The following AKAP6 variants were observed in gnomAD, a reference collection of about 807,000 sequenced individuals.
The protein encoded by AKAP6 is A-kinase anchoring protein 6, also known as A-kinase anchor protein 6.
In AKAP6, 58 loss-of-function variants were observed where a neutral mutation model predicts 188.5. That is an observed-to-expected ratio of 0.31 (90% CI 0.25 to 0.38). The LOEUF is 0.38. Among genes scored for constraint, AKAP6 ranks in the 10% least tolerant of loss-of-function variants. AKAP6 has a pLI of 1.00. For synonymous variants in AKAP6, 989 were observed against 998.6 expected (o/e 0.99, Z 0.18); for missense variants, 2,710 against 2,740.0 (o/e 0.99, Z 0.24).
chr14:32,753,805 C>A (rs1356612380), intron 11 of AKAP6, among the ~76,000 whole-genome samples: 1 of 151,930 alleles, frequency 6.6e-6, no homozygotes, highest in Non-Finnish European at 1.5e-5. Context: ...GTTCTTGCTA[C>A]CTTTGTTGAA....
chr14:32,828,052 C>G (rs2034719037), intron 13 of AKAP6, among the ~76,000 whole-genome samples: 1 of 152,070 alleles, frequency 6.6e-6, no homozygotes, highest in African/African-American at 2.4e-5. Flanking sequence ...AACTTTTTAG[C>G]TTTATTGCCT....
intron 7 of AKAP6, among the ~76,000 whole-genome samples, chr14:32,644,753 T>C (rs1459056973): frequency 6.6e-6 from 1 of 152,142 alleles, no homozygotes; most frequent in Non-Finnish European, 1.5e-5. Context: ...CTGAAATGTC[T>C]GCATTTCTCT....
intron 1 of AKAP6, among the ~76,000 whole-genome samples, chr14:32,360,897 C>G (rs1887637541): frequency 6.6e-6 from 1 of 151,698 alleles, no homozygotes; most frequent in Non-Finnish European, 1.5e-5. Flanking sequence ...GCACGTGCCA[C>G]CATGCCCAGC....
chr14:32,433,184 C>G (rs1890274428), intron 1 of AKAP6: 3 of 293,434 alleles, frequency 1.0e-5, no homozygotes, highest in South Asian at 9.1e-5. Context: ...CAGCTAAAAA[C>G]CAGGATTTTG....
At chr14:32,582,845 C>T (rs1442431272) in intron 5 of AKAP6, among the ~76,000 whole-genome samples, 1 of 152,118 alleles carries the variant, frequency 6.6e-6, no homozygotes, top group East Asian at 1.9e-4. Flanking sequence ...TCCATCAGCT[C>T]CTTTAAGCAC....
At chr14:32,377,290 T>G (rs569162178) in intron 1 of AKAP6, among the ~76,000 whole-genome samples, 3 of 152,354 alleles carry the variant, frequency 2.0e-5, no homozygotes, top group African/African-American at 7.2e-5. Context: ...TCCACTAGTT[T>G]CATTATTTCA....
At chr14:32,499,969 T>C (rs1287259216) in intron 2 of AKAP6, among the ~76,000 whole-genome samples, 5 of 150,724 alleles carry the variant, frequency 3.3e-5, no homozygotes, top group African/African-American at 1.2e-4. Context: ...TAAGAATTTG[T>C]ATTTGTATGT....
In AKAP6 at chr14:32,831,683, C is replaced by T. The variant is rs949514706; in HGVS notation, c.*1878C>T. The T allele has an allele frequency of 6.6e-6, 1 of 152,128 alleles. No homozygotes were observed. 9.4% of individuals were successfully genotyped at this position (152,128 alleles called of 1,614,324 possible). ...AAGTATTTGTTGCAGAGCTGAGGAACAGAGCAAATGTAGTGATAGAAGCGC... is the reference window on the plus strand; with the variant it reads ...AAGTATTTGTTGCAGAGCTGAGGAATAGAGCAAATGTAGTGATAGAAGCGC... On this transcript the variant is annotated 3_prime_UTR_variant, in exon 14 of 14. Coordinates refer to ENST00000280979, the MANE Select transcript of AKAP6 (RefSeq NM_004274.5).
At chr14:32,657,334 A>G (rs901232529) in intron 7 of AKAP6, among the ~76,000 whole-genome samples, 1 of 152,182 alleles carries the variant, frequency 6.6e-6, no homozygotes, top group Non-Finnish European at 1.5e-5. Flanking sequence ...AGAAGAGAGA[A>G]GCGCAACCCT....
At position 32,385,684 on chromosome 14, in the gene AKAP6, T is replaced by C. The variant is rs372202914; in HGVS notation, c.-34-47776T>C. On this transcript the variant is annotated intron_variant, in intron 1 of 13. Transcript: ENST00000280979. ...GTTTTGTTTTCCATTCCTGAGTTAC[T>C]TCACTTAGAATTATAGCCTCCAATC... 2.0e-5 allele frequency among the ~76,000 whole-genome samples: 3 copies of C among 151,762 alleles called. No homozygotes were observed. The South Asian group carries it at 6.2e-4, about 32-fold the overall frequency.
chr14:32,793,759 AG>A, intron 12 of AKAP6, among the ~76,000 whole-genome samples: 1 of 152,096 alleles, frequency 6.6e-6, no homozygotes, highest in Admixed American at 6.6e-5. Context: ...AAGACAAAGA[AG>A]GGCATTAAAT....
At chr14:32,405,877 A>G (rs1889275292) in intron 1 of AKAP6, among the ~76,000 whole-genome samples, 1 of 152,228 alleles carries the variant, frequency 6.6e-6, no homozygotes, top group Non-Finnish European at 1.5e-5. Context: ...GTATTTCTTC[A>G]TAGCAGTGTG....
chr14:32,625,665 CT>C (rs1886992167), intron 7 of AKAP6, among the ~76,000 whole-genome samples: 1 of 150,484 alleles, frequency 6.6e-6, no homozygotes, highest in Non-Finnish European at 1.5e-5. Flanking sequence ...AAAAAAAACC[CT>C]TCTTACTCCA....
chr14:32,337,902 C>T (rs896958444), intron 1 of AKAP6, among the ~76,000 whole-genome samples: 1 of 152,040 alleles, frequency 6.6e-6, no homozygotes, highest in Admixed American at 6.6e-5. Flanking sequence ...TGCCTGTAGT[C>T]TTAGCACCTC....
chr14:32,515,844 A>C (rs1324580711), intron 2 of AKAP6, among the ~76,000 whole-genome samples: 1 of 152,196 alleles, frequency 6.6e-6, no homozygotes, highest in African/African-American at 2.4e-5. Context: ...GTGGTACTAA[A>C]CTCTGTGAAG....
intron 2 of AKAP6, among the ~76,000 whole-genome samples, chr14:32,439,627 C>T (rs1890503200): frequency 6.6e-6 from 1 of 152,172 alleles, no homozygotes; most frequent in Admixed American, 6.5e-5. Flanking sequence ...GGCAGTGGTG[C>T]CACCAAGGTG....
intron 1 of AKAP6, among the ~76,000 whole-genome samples, chr14:32,397,293 G>A (rs1888910707): frequency 6.6e-6 from 1 of 152,114 alleles, no homozygotes; most frequent in African/African-American, 2.4e-5. Flanking sequence ...GCTATTCATT[G>A]GAACAGCCAT....
intron 7 of AKAP6, among the ~76,000 whole-genome samples, chr14:32,616,229 C>G (rs1376452433): frequency 6.6e-6 from 1 of 152,146 alleles, no homozygotes; most frequent in Non-Finnish European, 1.5e-5. Flanking sequence ...AACTACCATT[C>G]AACCCAGCAA....
chr14:32,788,040 C>CAAAAAA (rs10606532), intron 12 of AKAP6, among the ~76,000 whole-genome samples: 2 of 96,336 alleles, frequency 2.1e-5, no homozygotes, highest in Admixed American at 1.2e-4. Context: ...GACCCCATCT[C>CAAAAAA]AAAAAAAAAA....
Sources: allele counts gnomAD v4.1 joint callset (sites outside exome capture counted in the v4.1 genomes callset), GRCh38; gene constraint gnomAD v4.1.1; transcripts MANE v1.5; gene names NCBI Gene and HGNC (gene_info 2026-07-23, HGNC 2026-07-21).